Variants in SGCZ observed in about 807,000 individuals in gnomAD.
SGCZ encodes the protein zeta-sarcoglycan.
In SGCZ, 40 loss-of-function variants were observed where a neutral mutation model predicts 41.3. The observed-to-expected ratio is 0.97, with a 90% CI of 0.75 to 1.26. SGCZ has a LOEUF of 1.26. SGCZ is among the 50% of genes most tolerant of loss of function. The pLI is 0.00. For missense variants in SGCZ, 552 were observed against 369.8 expected, an observed-to-expected ratio of 1.49 and a Z score of -4.04; for synonymous variants, 206 against 137.5, an observed-to-expected ratio of 1.50 and a Z score of -3.49.
intron 5 of SGCZ, among the ~76,000 whole-genome samples, chr8:14,135,772 A>G (rs886345263): frequency 6.6e-6 from 1 of 152,198 alleles, no homozygotes; most frequent in African/African-American, 2.4e-5. Flanking sequence ...AAAACAGAAG[A>G]GGATAAAATA....
chr8:15,234,488 C>A (rs554370440), intron 1 of SGCZ, among the ~76,000 whole-genome samples: 3 of 152,316 alleles, frequency 2.0e-5, no homozygotes, highest in Non-Finnish European at 2.9e-5. Context: ...AACTCTCTCC[C>A]TTTTCAACAC....
intron 4 of SGCZ, among the ~76,000 whole-genome samples, chr8:14,236,994 G>C (rs1462584045): frequency 1.3e-5 from 2 of 151,874 alleles, no homozygotes; most frequent in African/African-American, 2.4e-5. Context: ...AGAAGTAATT[G>C]ATAAATGTTA....
At chr8:15,049,751 C>G (rs931285037) in intron 1 of SGCZ, among the ~76,000 whole-genome samples, 1 of 152,070 alleles carries the variant, frequency 6.6e-6, no homozygotes, top group African/African-American at 2.4e-5. Flanking sequence ...AAGAGCAGGG[C>G]AAGGTTATGA....
In SGCZ at chr8:14,418,109, G is replaced by A. The variant is rs143414203; in HGVS notation, c.235-93905C>T. On this transcript the variant is annotated intron_variant, in intron 2 of 7. Transcript: ENST00000382080. Reference sequence around the variant, plus strand: ...TCAAGGTGAATGAGTAAAGACACACGCCCTGCCTTCACTGGGCTTTCATTC... The same window carrying A: ...TCAAGGTGAATGAGTAAAGACACACACCCTGCCTTCACTGGGCTTTCATTC... 5.1e-3 allele frequency among the ~76,000 whole-genome samples: 772 copies of A among 152,006 alleles called. 9 individuals carry two copies. The highest frequency in any genetic ancestry group is 0.017 in the African/African-American group (707 of 41,504).
intron 1 of SGCZ, among the ~76,000 whole-genome samples, chr8:14,665,324 C>A (rs962780774): frequency 4.6e-5 from 7 of 152,056 alleles, no homozygotes; most frequent in Non-Finnish European, 1.0e-4. Flanking sequence ...CATCCATGTC[C>A]CTACAAAGGA....
intron 1 of SGCZ, among the ~76,000 whole-genome samples, chr8:14,575,913 C>CAAAAAAAAAAAAAAA (rs66656586): frequency 1.8e-4 from 18 of 99,992 alleles, no homozygotes; most frequent in East Asian, 2.9e-4. Context: ...CTCAAAATAA[C>CAAAAAAAAAAAAAAA]AAAAAAAAAA....
intron 7 of SGCZ, 61 bp downstream of exon 7, chr8:14,102,315 T>A: frequency 7.5e-7 from 1 of 1,338,422 alleles, no homozygotes; most frequent in Non-Finnish European, 9.7e-7. Flanking sequence ...ATAGGACATC[T>A]AAATACTTGT....
At chr8:15,183,196 T>C (rs1383764086) in intron 1 of SGCZ, among the ~76,000 whole-genome samples, 3 of 152,240 alleles carry the variant, frequency 2.0e-5, no homozygotes, top group Non-Finnish European at 4.4e-5. Flanking sequence ...CTCTAAAGTA[T>C]GCATCAATAG....
intron 2 of SGCZ, among the ~76,000 whole-genome samples, chr8:14,449,785 T>TA (rs1328808152): frequency 6.6e-6 from 1 of 152,174 alleles, no homozygotes; most frequent in Non-Finnish European, 1.5e-5. Context: ...AGAACACCTC[T>TA]ACTCTTTTGG....
At chr8:14,339,652 T>C (rs1376061895) in intron 2 of SGCZ, among the ~76,000 whole-genome samples, 1 of 152,162 alleles carries the variant, frequency 6.6e-6, no homozygotes, top group Non-Finnish European at 1.5e-5. Flanking sequence ...CATCTATTAG[T>C]GGAACACTTG....
chr8:14,822,158 A>G (rs1019929788), intron 1 of SGCZ, among the ~76,000 whole-genome samples: 2 of 152,020 alleles, frequency 1.3e-5, no homozygotes, highest in African/African-American at 4.8e-5. Context: ...CACAAAAATC[A>G]ACATTCAAAA....
At chr8:14,275,601 C>T (rs980744863) in intron 3 of SGCZ, among the ~76,000 whole-genome samples, 9 of 152,100 alleles carry the variant, frequency 5.9e-5, no homozygotes, top group African/African-American at 1.4e-4. Context: ...AGTATTCTTA[C>T]CCCAGGAATA....
intron 2 of SGCZ, among the ~76,000 whole-genome samples, chr8:14,360,548 A>C (rs1803474379): frequency 1.3e-5 from 2 of 151,742 alleles, no homozygotes; most frequent in Non-Finnish European, 2.9e-5. Context: ...CTGGTCTCGA[A>C]CTCCTGACTT....
At chr8:14,576,181 G>T (rs970616221) in intron 1 of SGCZ, among the ~76,000 whole-genome samples, 1 of 152,104 alleles carries the variant, frequency 6.6e-6, no homozygotes, top group Non-Finnish European at 1.5e-5. Context: ...TAAAATGAGA[G>T]CCATGCAAAT....
chr8:14,239,901 C>CAA (rs71209029), intron 3 of SGCZ, among the ~76,000 whole-genome samples: 10 of 41,372 alleles, frequency 2.4e-4, no homozygotes, highest in African/African-American at 2.1e-3. Context: ...GACTCCGTCT[C>CAA]AAAAAAAAAA....
chr8:14,546,225 T>C (rs1022574743), intron 2 of SGCZ, among the ~76,000 whole-genome samples: 6 of 152,146 alleles, frequency 3.9e-5, no homozygotes, highest in African/African-American at 7.2e-5. Context: ...GGCAGAGCTG[T>C]AGTCACGCCC....
chr8:14,533,688 G>A (rs552299068), intron 2 of SGCZ, among the ~76,000 whole-genome samples: 4 of 151,996 alleles, frequency 2.6e-5, no homozygotes, highest in Middle Eastern at 3.4e-3. Context: ...ATCAACAGAA[G>A]GTTTTTCTAC....
intron 1 of SGCZ, among the ~76,000 whole-genome samples, chr8:14,945,467 G>C (rs1800412164): frequency 6.6e-6 from 1 of 151,968 alleles, no homozygotes; most frequent in Non-Finnish European, 1.5e-5. Flanking sequence ...ATGAAGAGTT[G>C]GTCAAATTTT....
intron 5 of SGCZ, among the ~76,000 whole-genome samples, chr8:14,156,252 G>A (rs546361724): frequency 6.6e-6 from 1 of 152,266 alleles, no homozygotes; most frequent in African/African-American, 2.4e-5. Context: ...TAGGTCAGGA[G>A]ATGGAGACCA....
Sources: allele counts gnomAD v4.1 joint callset (sites outside exome capture counted in the v4.1 genomes callset), GRCh38; gene constraint gnomAD v4.1.1; transcripts MANE v1.5; gene names NCBI Gene and HGNC (gene_info 2026-07-23, HGNC 2026-07-21).